The following UNC79 variants were observed in gnomAD, a reference collection of about 807,000 sequenced individuals.
UNC79 encodes protein unc-79 homolog.
Under a neutral mutation model 283.1 loss-of-function variants are expected in UNC79, and 37 were observed. The observed-to-expected ratio is 0.13, with a 90% CI of 0.10 to 0.17. The LOEUF is 0.17. Ranked by LOEUF, UNC79 falls within the 10% of genes least tolerant of loss-of-function variation. UNC79 has a pLI of 1.00. For synonymous variants in UNC79, 1,107 were observed against 1,200.2 expected (o/e 0.92, Z 1.61); for missense variants, 2,272 against 3,211.1 (o/e 0.71, Z 7.07).
At chr14:93,701,029 G>A (rs1433088907) in intron 47 of UNC79, among the ~76,000 whole-genome samples, 1 of 152,022 alleles carries the variant, frequency 6.6e-6, no homozygotes, top group East Asian at 1.9e-4. Context: ...GATCTCTCCT[G>A]TCCAGTACTC....
At chr14:93,692,043 TA>T in intron 46 of UNC79, 97 bp downstream of exon 49, 1 of 1,380,224 alleles carries the variant, frequency 7.2e-7, no homozygotes, top group Non-Finnish European at 1.0e-6. Flanking sequence ...ATCTCAGTTG[TA>T]AGGTTATATA....
intron 1 of UNC79, among the ~76,000 whole-genome samples, chr14:93,446,517 T>C (rs2056465564): frequency 6.6e-6 from 1 of 151,550 alleles, no homozygotes. Flanking sequence ...TGCCTCAGCC[T>C]CCTGAATAGC....
intron 23 of UNC79, among the ~76,000 whole-genome samples, chr14:93,596,036 C>G (rs931104221): frequency 4.6e-5 from 7 of 152,158 alleles, no homozygotes; most frequent in Non-Finnish European, 8.8e-5. Flanking sequence ...GAGCAGATTG[C>G]TGTCCTCAGG....
intron 1 of UNC79, among the ~76,000 whole-genome samples, chr14:93,354,274 A>T (rs75631344): frequency 0.013 from 1,999 of 152,280 alleles, 53 homozygotes; most frequent in African/African-American, 0.046. Flanking sequence ...ATGGACATTT[A>T]AAGTTTTATT....
intron 20 of UNC79, among the ~76,000 whole-genome samples, chr14:93,585,766 T>C (rs1051095734): frequency 1.4e-4 from 21 of 152,182 alleles, no homozygotes; most frequent in Non-Finnish European, 2.9e-4. Context: ...GTGAAAATAA[T>C]GAGTAGTTGT....
At chr14:93,341,710 G>A (rs866972191) in intron 1 of UNC79, among the ~76,000 whole-genome samples, 1 of 151,892 alleles carries the variant, frequency 6.6e-6, no homozygotes, top group Non-Finnish European at 1.5e-5. Context: ...GGAGTTCAAG[G>A]CTGCAGTGAA....
At chr14:93,520,924 A>G (rs1203687482) in intron 7 of UNC79, among the ~76,000 whole-genome samples, 1 of 151,920 alleles carries the variant, frequency 6.6e-6, no homozygotes, top group Admixed American at 6.6e-5. Context: ...GTTATGAGTG[A>G]CATTTTACCC....
chr14:93,668,714 A>G (rs917800734), intron 40 of UNC79, among the ~76,000 whole-genome samples: 3 of 151,774 alleles, frequency 2.0e-5, no homozygotes, highest in African/African-American at 7.3e-5. Context: ...GCATAATGGC[A>G]CGCACCTGTA....
At chr14:93,622,372 C>T in exon 30 of UNC79, 1 of 1,614,154 alleles carries the variant, frequency 6.2e-7, no homozygotes, top group Non-Finnish European at 8.5e-7. Context: ...CTGACTCTGC[C>T]CTCATCACTC....
At chr14:93,340,759 A>G (rs775332022) in intron 1 of UNC79, among the ~76,000 whole-genome samples, 4 of 151,848 alleles carry the variant, frequency 2.6e-5, no homozygotes, top group Non-Finnish European at 4.4e-5. Flanking sequence ...TTTTGTAGAG[A>G]TGGGGTTTTG....
At chr14:93,477,183 G>A (rs551003331) in intron 3 of UNC79, among the ~76,000 whole-genome samples, 1 of 152,082 alleles carries the variant, frequency 6.6e-6, no homozygotes, top group Admixed American at 6.5e-5. Context: ...GAAATAGCCC[G>A]GTTTTATTTC....
chr14:93,673,032 C>T (rs1424801829), intron 40 of UNC79, among the ~76,000 whole-genome samples: 1 of 152,068 alleles, frequency 6.6e-6, no homozygotes, highest in African/African-American at 2.4e-5. Flanking sequence ...AAATACTTTT[C>T]GACTGATTTA....
At chr14:93,427,305 T>C (rs1472644489), upstream of UNC79, among the ~76,000 whole-genome samples, 2 of 152,184 alleles carry the variant, frequency 1.3e-5, no homozygotes, top group Non-Finnish European at 2.9e-5. Flanking sequence ...TAATCACTAA[T>C]TGTATGGGGT....
chr14:93,674,802 G>A (rs2073186024), intron 41 of UNC79, among the ~76,000 whole-genome samples: 1 of 151,938 alleles, frequency 6.6e-6, no homozygotes, highest in South Asian at 2.1e-4. Flanking sequence ...TGTATTGCAT[G>A]GGGGGGTTCA....
chr14:93,702,217 C>T (rs1015882924), intron 47 of UNC79, among the ~76,000 whole-genome samples: 30 of 152,122 alleles, frequency 2.0e-4, no homozygotes, highest in African/African-American at 7.0e-4. Context: ...TCAGAGGGCA[C>T]AGCCTTATCT....
intron 35 of UNC79, among the ~76,000 whole-genome samples, chr14:93,651,103 A>G (rs2070198717): frequency 3.3e-5 from 5 of 152,088 alleles, no homozygotes; most frequent in Admixed American, 3.3e-4. Flanking sequence ...GGGTGGATCT[A>G]TTTCTGGGCT....
chr14:93,558,907 G>T (rs1210383845), intron 14 of UNC79, among the ~76,000 whole-genome samples: 3 of 151,906 alleles, frequency 2.0e-5, no homozygotes, highest in African/African-American at 7.3e-5. Context: ...GGCCGCATGG[G>T]GGAATAAGAT....
intron 7 of UNC79, among the ~76,000 whole-genome samples, chr14:93,505,385 T>C (rs2059481118): frequency 6.6e-6 from 1 of 152,152 alleles, no homozygotes; most frequent in Admixed American, 6.5e-5. Context: ...TCCCAGCTAA[T>C]TGAAACTTTT....
In UNC79 at chr14:93,578,605, T is replaced by A. The variant is rs577628890; in HGVS notation, c.2433+542T>A. Among the ~76,000 whole-genome samples, 14 of 152,320 alleles carry A rather than the reference T, an allele frequency of 9.2e-5. No individual in the cohort carries two copies. In the South Asian group the frequency reaches 1.0e-3, roughly 11 times the overall value. ...CCACATCTGCTTCTCTTTCTCTGCA[T>A]GTGTATGCGTTAATTTTTAATAGAT... On this transcript the variant is annotated intron_variant, in intron 18 of 48. Coordinates refer to ENST00000555664, the Ensembl canonical transcript of UNC79.
Sources: gnomAD v4.1 joint callset for allele counts (sites outside exome capture counted in the v4.1 genomes callset) on GRCh38, gnomAD v4.1.1 for gene constraint, MANE v1.5 for transcripts, NCBI Gene and HGNC (gene_info 2026-07-23, HGNC 2026-07-21) for gene names.